ZNF131: variants seen among roughly 807,000 people sequenced by gnomAD.
The protein encoded by ZNF131 is zinc finger and BTB domain containing 35.
In ZNF131, 7 loss-of-function variants were observed where a neutral mutation model predicts 60.0. The observed-to-expected ratio is 0.12, with a 90% confidence interval of 0.07 to 0.22. The LOEUF is 0.22. Ranked by LOEUF, ZNF131 falls within the 10% of genes least tolerant of loss-of-function variation. ZNF131 has a pLI of 1.00. For synonymous variants in ZNF131, 257 were observed against 253.2 expected (o/e 1.01, Z -0.14); for missense variants, 493 against 740.9 (o/e 0.67, Z 3.88).
rs376756009 is a variant in ZNF131, at chr5:43,161,508, C to G, written c.631C>G (p.Leu211Val). 6 of 1,614,124 alleles carry G rather than the reference C, an allele frequency of 3.7e-6. No individual in the cohort carries two copies. The highest frequency in any genetic ancestry group is 5.1e-6 in the Non-Finnish European group (6 of 1,180,050). ...CACAGGTTCCTCTGATGATTCTGCT[C>G]TAGCACTGTTGGCAGATATTACCAG... ...QSTGSSDDSA[L>V]ALLADITSKY... is the part of the protein sequence containing the mutation. The change falls in exon 5 of 7, where the codon CTA (leucine) becomes GTA (valine). Residue 211 changes from leucine (L) to valine (V), a missense_variant. Leu to Val is a conservative substitution (Grantham distance 32, BLOSUM62 1). Transcript: ENST00000682664.
chr5:43,150,732 G>A (rs1056234674), intron 4 of ZNF131, among the ~76,000 whole-genome samples: 5 of 152,110 alleles, frequency 3.3e-5, no homozygotes, highest in African/African-American at 4.8e-5. Flanking sequence ...AACTGAGATC[G>A]CGCCATTGCA....
In ZNF131 at chr5:43,167,272, G is replaced by A. The variant is rs1326169918; in HGVS notation, c.1054+5341G>A. On this transcript the variant is annotated intron_variant, in intron 5 of 6. Transcript: ENST00000682664. Reference sequence around the variant, plus strand: ...TATTGCAGTAATTACAGTGACAGACGTGAGGTGAGTACATGCTGTTGGGGA... The same window carrying A: ...TATTGCAGTAATTACAGTGACAGACATGAGGTGAGTACATGCTGTTGGGGA... 2.0e-5 allele frequency among the ~76,000 whole-genome samples: 3 copies of A among 152,144 alleles called. No individual in the cohort carries two copies. The East Asian group carries it at 5.8e-4, about 29-fold the overall frequency.
chr5:43,167,399 G>T (rs1049195401), intron 5 of ZNF131, among the ~76,000 whole-genome samples: 18 of 152,192 alleles, frequency 1.2e-4, no homozygotes, highest in African/African-American at 4.3e-4. Flanking sequence ...TCTGTAAGCA[G>T]TTTTAAACTA....
At chr5:43,173,184 G>T (rs1254573907) in intron 5 of ZNF131, 134 bp from the exon 6 acceptor site, 3 of 963,038 alleles carry the variant, frequency 3.1e-6, no homozygotes, top group Non-Finnish European at 4.4e-6. Flanking sequence ...GAAAATATTT[G>T]AATTCTGAAT....
In ZNF131 at chr5:43,147,611, G is replaced by A. The variant is rs183724471; in HGVS notation, c.371+8302G>A. On this transcript the variant is annotated intron_variant, in intron 4 of 6. Coordinates refer to ENST00000682664, the MANE Select transcript of ZNF131 (RefSeq NM_001330707.2). The stretch of plus-strand genomic sequence containing the variant: ...TTTTTTCTGTATTTTTAGTAGAGAT[G>A]GGGTTTCAACATCTTGGCCAGGCTG... Among the ~76,000 whole-genome samples the A allele has an allele frequency of 7.8e-3, 1,184 of 151,004 alleles. 16 individuals are homozygous for A. Among genetic ancestry groups the A allele is most frequent in the African/African-American group, 0.027 (1,133 of 41,364 alleles).
chr5:43,155,137 T>A (rs989667823), intron 4 of ZNF131, among the ~76,000 whole-genome samples: 1 of 152,170 alleles, frequency 6.6e-6, no homozygotes, highest in Non-Finnish European at 1.5e-5. Context: ...ATTAATCTAG[T>A]GATTTTGCTT....
intron 4 of ZNF131, among the ~76,000 whole-genome samples, chr5:43,147,542 G>A (rs868429033): frequency 5.3e-5 from 8 of 150,802 alleles, no homozygotes; most frequent in Admixed American, 1.3e-4. Flanking sequence ...CTCAGCCTCC[G>A]GAGTAGCTGG....
chr5:43,164,356 A>G (rs1750104698), intron 5 of ZNF131, among the ~76,000 whole-genome samples: 1 of 152,226 alleles, frequency 6.6e-6, no homozygotes, highest in Admixed American at 6.5e-5. Flanking sequence ...CCTGTTTTAT[A>G]TAATATTTGG....
chr5:43,134,693 C>CTTT (rs149464238), intron 3 of ZNF131, among the ~76,000 whole-genome samples: 11,457 of 88,208 alleles, frequency 0.13, 551 homozygotes, highest in Middle Eastern at 0.18. Context: ...TTCTTTTTTT[C>CTTT]TTTTTTTTTT....
intron 5 of ZNF131, among the ~76,000 whole-genome samples, chr5:43,162,186 A>G: frequency 6.6e-6 from 1 of 152,240 alleles, no homozygotes; most frequent in Admixed American, 6.5e-5. Context: ...AAATAGAGAA[A>G]ATAGTTTGTG....
intron 4 of ZNF131, among the ~76,000 whole-genome samples, chr5:43,160,196 A>AC (rs1455210060): frequency 6.7e-6 from 1 of 149,338 alleles, no homozygotes; most frequent in Non-Finnish European, 1.5e-5. Flanking sequence ...AACAAAAAAA[A>AC]AAACAAAAAA....
In ZNF131 at chr5:43,174,432, T is replaced by C. The variant is rs529169564; in HGVS notation, c.1186-15T>C. ...GATATAAGTATTGTCTACATCATAT[T>C]TTTGGTTATTTCAGGTCTGCAACAG... On this transcript the variant is annotated splice_polypyrimidine_tract_variant and intron_variant, in intron 6 of 6. Transcript: ENST00000682664. The C allele has an allele frequency of 5.7e-5, 87 of 1,513,154 alleles. 2 individuals carry two copies. The Middle Eastern group carries it at 5.6e-3, about 97-fold the overall frequency. The allele number at this position is 1,513,154 out of a possible 1,614,324, so 93.7% of individuals were successfully genotyped here. A position where few individuals can be genotyped will look rare whatever the true frequency, so the allele number is the denominator to read the frequency against.
In ZNF131 at chr5:43,173,465, A is replaced by G. The variant is rs3752831; in HGVS notation, c.1185+17A>G. On this transcript the variant is annotated intron_variant, in intron 6 of 6. Transcript: ENST00000682664. Reference sequence around the variant, plus strand: ...GAATGCCAGGTATGTGCAGATACATACATTCAGTTCTTAACAAAGGAGTCT... The same window carrying G: ...GAATGCCAGGTATGTGCAGATACATGCATTCAGTTCTTAACAAAGGAGTCT... The G allele has an allele frequency of 0.12, 185,794 of 1,607,686 alleles. 11,378 individuals carry two copies. Among genetic ancestry groups the G allele is most frequent in the East Asian group, 0.17 (7,612 of 44,822 alleles).
intron 4 of ZNF131, among the ~76,000 whole-genome samples, chr5:43,151,458 CGG>C (rs145491652): frequency 0.079 from 11,977 of 152,080 alleles, 649 homozygotes; most frequent in Middle Eastern, 0.12. Context: ...TTTTTTGAGA[CGG>C]AGTCTCACTC....
intron 5 of ZNF131, among the ~76,000 whole-genome samples, chr5:43,169,668 T>G (rs748177605): frequency 8.5e-5 from 13 of 152,228 alleles, no homozygotes; most frequent in African/African-American, 1.2e-4. Flanking sequence ...ACATTTAGGT[T>G]GTTGCTAGGC....
At chr5:43,157,209 G>A (rs35230086) in intron 4 of ZNF131, among the ~76,000 whole-genome samples, 14,773 of 152,240 alleles carry the variant, frequency 0.097, 851 homozygotes, top group East Asian at 0.19. Flanking sequence ...AAATGAATCA[G>A]AGGTGGACAT....
At chr5:43,141,845 A>T (rs563197885) in intron 4 of ZNF131, among the ~76,000 whole-genome samples, 3 of 152,072 alleles carry the variant, frequency 2.0e-5, no homozygotes, top group African/African-American at 4.8e-5. Context: ...AACATGTTGA[A>T]TTGTTTCTTG....
chr5:43,156,866 GTC>G (rs1749028019), intron 4 of ZNF131, among the ~76,000 whole-genome samples: 1 of 151,614 alleles, frequency 6.6e-6, no homozygotes, highest in African/African-American at 2.4e-5. Context: ...GTGAGACCTT[GTC>G]TCTCTACCCC....
At chr5:43,127,808 A>T (rs528427244) in intron 3 of ZNF131, among the ~76,000 whole-genome samples, 1 of 152,218 alleles carries the variant, frequency 6.6e-6, no homozygotes, top group South Asian at 2.1e-4. Flanking sequence ...ACAGACATTC[A>T]TTCCTTTGTT....
Sources: gnomAD v4.1 joint callset for allele counts (sites outside exome capture counted in the v4.1 genomes callset) on GRCh38, gnomAD v4.1.1 for gene constraint, MANE v1.5 for transcripts, NCBI Gene and HGNC (gene_info 2026-07-23, HGNC 2026-07-21) for gene names.